The following EVC2 variants were observed in gnomAD, a reference collection of about 807,000 sequenced individuals.
EVC2 encodes limbin.
EVC2 carries 148 observed loss-of-function variants against 149.3 expected under a neutral mutation model. The ratio of observed to expected loss-of-function variants is 0.99; its 90% CI spans 0.87 to 1.14. EVC2 has a LOEUF of 1.14. Among genes scored for constraint, EVC2 ranks in the 50% most tolerant of loss-of-function variants. The pLI, the probability that EVC2 is intolerant of heterozygous loss-of-function variation, is 0.00. For missense variants in EVC2, 1,854 were observed against 1,627.3 expected, an observed-to-expected ratio of 1.14 and a Z score of -2.40; for synonymous variants, 776 against 649.9, an observed-to-expected ratio of 1.19 and a Z score of -2.95.
At position 5,670,832 on chromosome 4, in the gene EVC2, T is replaced by C. The variant is rs902237746; in HGVS notation, c.871-5183A>G. The stretch of plus-strand genomic sequence containing the variant: ...ACCATTACCATAGCCACCATCACTA[T>C]CAACATCATCAATATCCCCATCACC... On this transcript the variant is annotated intron_variant, in intron 7 of 21. Transcript: ENST00000344408. The surrounding 1 kb of genome is among the most constrained non-coding windows in gnomAD (Gnocchi z 5.2). Among the ~76,000 whole-genome samples the C allele has an allele frequency of 1.2e-4, 18 of 150,162 alleles. No individual in the cohort carries two copies. The highest frequency in any genetic ancestry group is 2.0e-4 in the Admixed American group (3 of 15,086).
In EVC2 at chr4:5,662,973, G is replaced by A; in HGVS notation, c.1145+134C>T. 3 of 1,197,810 alleles carry A rather than the reference G, an allele frequency of 2.5e-6. No individual in the cohort carries two copies. In the Admixed American group the frequency reaches 5.5e-5, roughly 22 times the overall value. 74.2% of individuals were successfully genotyped at this position (1,197,810 alleles called of 1,614,324 possible). ...GATGCCAAACATTCAGTGCATAGCA[G>A]TTGTTGAATTATGACTACAGAGTGA... On this transcript the variant is annotated intron_variant, in intron 9 of 21. Coordinates refer to ENST00000344408, the MANE Select transcript of EVC2 (RefSeq NM_147127.5).
chr4:5,563,804 T>A (rs11935650), intron 21 of EVC2, among the ~76,000 whole-genome samples: 2 of 152,222 alleles, frequency 1.3e-5, no homozygotes, highest in African/African-American at 2.4e-5. Flanking sequence ...AGTACACCTA[T>A]GAGCCTCACT....
chr4:5,550,543 T>C (rs1411679419), intron 21 of EVC2, among the ~76,000 whole-genome samples: 1 of 152,158 alleles, frequency 6.6e-6, no homozygotes, highest in Non-Finnish European at 1.5e-5. Context: ...GTTAAAGGCA[T>C]TCAGTTTTAA....
At chr4:5,603,519 A>G (rs1560156950) in intron 16 of EVC2, among the ~76,000 whole-genome samples, 2 of 152,234 alleles carry the variant, frequency 1.3e-5, no homozygotes, top group Non-Finnish European at 2.9e-5. Context: ...CTTAAACTCT[A>G]GTCCCTTCTG....
At chr4:5,547,555 C>T (rs1297959024) in intron 21 of EVC2, among the ~76,000 whole-genome samples, 2 of 152,182 alleles carry the variant, frequency 1.3e-5, no homozygotes, top group Non-Finnish European at 1.5e-5. Flanking sequence ...TACACTTCCT[C>T]CCCTCTGAAG....
At chr4:5,690,233 G>A (rs748701479) in intron 4 of EVC2, among the ~76,000 whole-genome samples, 4 of 152,210 alleles carry the variant, frequency 2.6e-5, no homozygotes, top group Non-Finnish European at 5.9e-5. Context: ...GGCAAACAAT[G>A]TAGTTGAGGG....
chr4:5,662,856 A>C (rs958530225), intron 9 of EVC2, among the ~76,000 whole-genome samples: 1 of 151,718 alleles, frequency 6.6e-6, no homozygotes, highest in Non-Finnish European at 1.5e-5. Flanking sequence ...TGGTCACCCA[A>C]TTCTGTGGTC....
In EVC2 at chr4:5,694,434, T is replaced by C. The variant is rs1220595980; in HGVS notation, c.351A>G (p.Ala117=). Residue 117 remains alanine, a synonymous_variant, in exon 3 of 22, where the codon GCA becomes GCG. Transcript: ENST00000344408. ...MEVFIPLSTS[A]ASSGPWAHSL... ...AATGAGCCCATGGCCCACTAGAGGC[T>C]GCAGAAGTTGAGAGTGGGATGAAGA... The C allele has an allele frequency of 1.9e-6, 3 of 1,614,212 alleles. No individual in the cohort carries two copies. The highest frequency in any genetic ancestry group is 2.5e-6 in the Non-Finnish European group (3 of 1,180,026).
At chr4:5,695,716 G>A (rs376914636) in intron 2 of EVC2, among the ~76,000 whole-genome samples, 3 of 152,342 alleles carry the variant, frequency 2.0e-5, no homozygotes, top group East Asian at 1.9e-4. Flanking sequence ...CTGGATGGTG[G>A]CATTGTGCCT....
At chr4:5,675,442 G>A (rs939477079) in intron 7 of EVC2, among the ~76,000 whole-genome samples, 2 of 152,184 alleles carry the variant, frequency 1.3e-5, no homozygotes, top group African/African-American at 4.8e-5. Context: ...AGATGTGTGT[G>A]TAGATTTTAT....
chr4:5,612,921 CCAA>C (rs1266719881), intron 16 of EVC2, among the ~76,000 whole-genome samples: 370 of 69,146 alleles, frequency 5.4e-3, no homozygotes, highest in Middle Eastern at 0.011. Flanking sequence ...GACTCTGTCT[CCAA>C]AAAAAAAAAA....
chr4:5,555,604 A>C (rs757715788), intron 21 of EVC2, among the ~76,000 whole-genome samples: 9 of 152,220 alleles, frequency 5.9e-5, no homozygotes, highest in Non-Finnish European at 8.8e-5. Flanking sequence ...CACCATATAT[A>C]AGCATAATAT....
chr4:5,588,661 CAT>C (rs771448217), intron 16 of EVC2, among the ~76,000 whole-genome samples: 16 of 152,208 alleles, frequency 1.1e-4, no homozygotes, highest in Admixed American at 2.6e-4. Context: ...TTCTCACACA[CAT>C]GTGTATGTGT....
chr4:5,555,106 A>G (rs1721815287), intron 21 of EVC2, among the ~76,000 whole-genome samples: 1 of 151,986 alleles, frequency 6.6e-6, no homozygotes, highest in African/African-American at 2.4e-5. Flanking sequence ...AGGTCAATAT[A>G]TAAAAGGGGA....
intron 10 of EVC2, among the ~76,000 whole-genome samples, chr4:5,635,029 C>CTTTTTTTTTTT (rs34769603): frequency 2.8e-5 from 2 of 71,462 alleles, no homozygotes; most frequent in East Asian, 5.1e-4. Flanking sequence ...AACAAATGTG[C>CTTTTTTTTTTT]TTTTTTTTTT....
chr4:5,665,763 C>T, intron 7 of EVC2, 114 bp from the exon 8 acceptor site: 1 of 1,491,764 alleles, frequency 6.7e-7, no homozygotes, highest in Non-Finnish European at 9.1e-7. Flanking sequence ...GACTCGCTTG[C>T]ATTTGAGTCT....
chr4:5,632,371 C>G (rs968460014), intron 10 of EVC2, among the ~76,000 whole-genome samples: 1 of 152,206 alleles, frequency 6.6e-6, no homozygotes, highest in African/African-American at 2.4e-5. Context: ...CACATAGACA[C>G]ACACACAGTC....
At position 5,622,002 on chromosome 4, in the gene EVC2, A is replaced by G. The variant is rs1715722303; in HGVS notation, c.2501+535T>C. Among the ~76,000 whole-genome samples, 1 of 152,062 alleles carries G rather than the reference A, an allele frequency of 6.6e-6. No individual in the cohort carries two copies. The highest frequency in any genetic ancestry group is 2.4e-5 in the African/African-American group (1 of 41,392). ...ACATAGCCCGAGAAATGGACCAGGG[A>G]TGAAAGGGCCAGGTGAAAAGATGAT... On this transcript the variant is annotated intron_variant, in intron 14 of 21. Coordinates refer to ENST00000344408, the MANE Select transcript of EVC2 (RefSeq NM_147127.5). This position sits in a 1 kb window ranked among gnomAD's most constrained non-coding sequence, Gnocchi z 5.8.
chr4:5,640,370 A>G lies in EVC2; in HGVS notation c.1470+144T>C. The G allele has an allele frequency of 1.0e-6, 1 of 959,372 alleles. No homozygotes were observed. Among genetic ancestry groups the G allele is most frequent in the East Asian group, 2.4e-5 (1 of 41,828 alleles). 59.4% of individuals were successfully genotyped at this position (959,372 alleles called of 1,614,324 possible). A position where few individuals can be genotyped will look rare whatever the true frequency, so the allele number is the denominator to read the frequency against. ...AATGGTTGGATGAATGAATGGAAGG[A>G]TGAATAGATGAATGAGTGGGTGGTT... On this transcript the variant is annotated intron_variant, in intron 10 of 21. Transcript: ENST00000344408. This position sits in a 1 kb window ranked among gnomAD's most constrained non-coding sequence, Gnocchi z 4.6.
Sources: allele counts gnomAD v4.1 joint callset (sites outside exome capture counted in the v4.1 genomes callset), GRCh38; gene constraint gnomAD v4.1.1; non-coding constraint Gnocchi (gnomAD v3.1); transcripts MANE v1.5; gene names NCBI Gene and HGNC (gene_info 2026-07-23, HGNC 2026-07-21).